The following SLITRK6 variants were observed in gnomAD, a reference collection of about 807,000 sequenced individuals.
SLITRK6 encodes the protein SLIT and NTRK-like protein 6.
A neutral mutation model predicts 55.6 loss-of-function variants in SLITRK6; 35 were observed. The observed-to-expected ratio is 0.63, with a 90% confidence interval of 0.48 to 0.83. The LOEUF (loss-of-function observed/expected upper bound fraction) is 0.83. SLITRK6 is among the 40% of genes least tolerant of loss of function. SLITRK6 has a pLI of 0.00. For synonymous variants in SLITRK6, 392 were observed against 359.6 expected (o/e 1.09, Z -1.02); for missense variants, 977 against 986.4 (o/e 0.99, Z 0.13).
In SLITRK6 at chr13:85,795,488, A is replaced by T; in HGVS notation, c.1021T>A (p.Ser341Thr). The T allele has an allele frequency of 1.2e-6, 2 of 1,613,002 alleles. No homozygotes were observed. The highest frequency in any genetic ancestry group is 1.7e-6 in the Non-Finnish European group (2 of 1,179,392). Reference sequence around the variant, plus strand: ...TCCTGACAATGTATTAGAAGTCCTGATGGGGATAGGACTTTGCAGTTACAA... The same window carrying T: ...TCCTGACAATGTATTAGAAGTCCTGTTGGGGATAGGACTTTGCAGTTACAA... The part of the protein sequence containing the change: ...IPCNCKVLSP[S>T]GLLIHCQERN... Residue 341 changes from serine (S) to threonine (T), a missense_variant, in exon 2 of 2, where the codon TCA becomes ACA. Ser to Thr is a moderately conservative substitution (Grantham distance 58). Transcript: ENST00000647374.
rs1874655445 is a variant in SLITRK6 at position 85,794,830 on chromosome 13, A to G, written c.1679T>C (p.Leu560Pro). The part of the protein sequence containing the change: ...GHLDKKELKA[L>P]NSEILCPGLV... ...ACCTGGACAGAGAATTTCACTATTT[A>G]GGGCTTTCAATTCCTTTTTGTCGAG... Residue 560 changes from leucine to proline, a missense_variant, in exon 2 of 2, where the codon CTA becomes CCA. By Grantham distance (98) the Leu-to-Pro change is moderately conservative (BLOSUM62 -3). Coordinates refer to ENST00000647374, the MANE Select transcript of SLITRK6 (RefSeq NM_032229.3). The G allele has an allele frequency of 6.2e-7, 1 of 1,613,176 alleles. No individual in the cohort carries two copies. The highest frequency in any genetic ancestry group is 1.3e-5 in the African/African-American group (1 of 74,952).
chr13:85,794,710 G>T lies in SLITRK6; in HGVS notation c.1799C>A (p.Ser600Tyr). The T allele has an allele frequency of 6.2e-7, 1 of 1,613,326 alleles. No homozygotes were observed. Among genetic ancestry groups the T allele is most frequent in the Non-Finnish European group, 8.5e-7 (1 of 1,179,562 alleles). ...AGACAGTGGCACAGCGTCCGTAAGA[G>T]ATCGTAAAATAGTATCAGCCGTATT... Reference protein sequence around the residue: ...TTNTADTILRSLTDAVPLSVL... With the variant: ...TTNTADTILRYLTDAVPLSVL... The change falls in exon 2 of 2, where the codon TCT becomes TAT. Residue 600 changes from serine to tyrosine, a missense_variant. Ser to Tyr is a moderately radical substitution (Grantham distance 144). Transcript: ENST00000647374.
chr13:85,798,008 C>T (rs1874772937), intron 1 of SLITRK6, among the ~76,000 whole-genome samples: 1 of 151,834 alleles, frequency 6.6e-6, no homozygotes, highest in African/African-American at 2.4e-5. Flanking sequence ...AATCAACAAT[C>T]CTGAAAGTAA....
chr13:85,795,266 T>C lies in SLITRK6; in HGVS notation c.1243A>G (p.Lys415Glu). Residue 415 changes from lysine (K) to glutamate (E), a missense_variant, in exon 2 of 2, where the codon AAA becomes GAA. Transcript: ENST00000647374. ...AGGTGGTTACCATTTAGATAGAGTT[T>C]TTGTAATCTCGTTAGGTTCATAAAC... ...GSFMNLTRLQKLYLNGNHLTK... is the reference protein window; with the variant it reads ...GSFMNLTRLQELYLNGNHLTK... 2 of 1,612,714 alleles carry C rather than the reference T, an allele frequency of 1.2e-6. No homozygotes were observed. Among genetic ancestry groups the C allele is most frequent in the Non-Finnish European group, 1.7e-6 (2 of 1,179,358 alleles).
rs1157597626 is a variant in SLITRK6 at position 85,795,111 on chromosome 13, T to C, written c.1398A>G (p.Leu466=). The C allele has an allele frequency of 3.1e-6, 5 of 1,612,952 alleles. No homozygotes were observed. The highest frequency in any genetic ancestry group is 1.3e-5 in the African/African-American group (1 of 74,840). ...GTAAAACTTGGAGGAGGTTGTTATT[T>C]AAATACAGGACTTTAAGTTTAGGCA... The part of the protein sequence containing the change: ...NPMPKLKVLY[L]NNNLLQVLPP... The change falls in exon 2 of 2, where the codon TTA becomes TTG. Residue 466 remains leucine (L), a synonymous_variant. Transcript: ENST00000647374.
Position 85,794,642 on chromosome 13 carries a change from A to C in SLITRK6, c.1867T>G (p.Phe623Val). 6.2e-7 allele frequency: 1 copy of C among 1,613,286 alleles called. No homozygotes were observed. Among genetic ancestry groups the C allele is most frequent in the Non-Finnish European group, 8.5e-7 (1 of 1,179,536 alleles). The change falls in exon 2 of 2, where the codon TTC (phenylalanine) becomes GTC (valine). Residue 623 changes from phenylalanine to valine, a missense_variant. By Grantham distance (50) the Phe-to-Val change is conservative (BLOSUM62 -1). Transcript: ENST00000647374. ...GLLIMFITIV[F>V]CAAGIVVLVL... Reference sequence around the variant, plus strand: ...AGAACCACTATCCCTGCAGCACAGAAAACAATAGTGATGAACATAATCAGA... The same window carrying C: ...AGAACCACTATCCCTGCAGCACAGACAACAATAGTGATGAACATAATCAGA...
chr13:85,795,857 TGTC>T lies in SLITRK6; in HGVS notation c.649_651del (p.Asp217del), dbSNP rs1336095919. On this transcript the variant is annotated inframe_deletion, in exon 2 of 2. Transcript: ENST00000647374. ...AAGTCACAATTGCAGGCCCATTTGT[TGTC>T]CTCCAACTGAAGATCCAATATTCGG... The T allele has an allele frequency of 1.9e-6, 3 of 1,613,068 alleles. No individual in the cohort carries two copies. Among genetic ancestry groups the T allele is most frequent in the Non-Finnish European group, 2.5e-6 (3 of 1,179,470 alleles).
chr13:85,797,135 C>CCTGCT (rs1192682479), intron 1 of SLITRK6, among the ~76,000 whole-genome samples: 1 of 138,718 alleles, frequency 7.2e-6, no homozygotes, highest in African/African-American at 2.7e-5. Flanking sequence ...TGTGTTTTAA[C>CCTGCT]CTGCTTCGGT....
At chr13:85,797,066 A>C (rs1874748608) in intron 1 of SLITRK6, among the ~76,000 whole-genome samples, 1 of 151,552 alleles carries the variant, frequency 6.6e-6, no homozygotes, top group Non-Finnish European at 1.5e-5. Flanking sequence ...CGCATGTAGC[A>C]TGCATTGTCT....
chr13:85,796,594 T>C (rs1566399202), intron 1 of SLITRK6, 62 bp from the exon 2 acceptor site: 1 of 1,306,610 alleles, frequency 7.7e-7, no homozygotes. Context: ...GAGATGAAGC[T>C]GATATTTTCA....
intron 1 of SLITRK6, among the ~76,000 whole-genome samples, chr13:85,797,475 A>C (rs925721724): frequency 6.6e-6 from 1 of 151,868 alleles, no homozygotes; most frequent in African/African-American, 2.4e-5. Flanking sequence ...GTTGTAAAAG[A>C]ATAAACAATG....
rs1422682062 is a variant in SLITRK6 at position 85,793,035 on chromosome 13, A to G, written c.*948T>C. The G allele has an allele frequency of 2.0e-5, 3 of 152,278 alleles. No homozygotes were observed. The highest frequency in any genetic ancestry group is 6.6e-5 in the Admixed American group (1 of 15,160). The allele number at this position is 152,278 out of a possible 1,614,324, so 9.4% of individuals were successfully genotyped here. ...CATCTATCAATGTACATCAATAAAA[A>G]TAAAATAATTTTTCCTATTTACTTT... On this transcript the variant is annotated 3_prime_UTR_variant, in exon 2 of 2. Transcript: ENST00000647374.
rs763404048 is a variant in SLITRK6 at position 85,796,191 on chromosome 13, A to C, written c.318T>G (p.Gly106=). 6 of 1,612,984 alleles carry C rather than the reference A, an allele frequency of 3.7e-6. No homozygotes were observed. The highest frequency in any genetic ancestry group is 5.1e-6 in the Non-Finnish European group (6 of 1,179,474). Residue 106 remains glycine, a synonymous_variant, in exon 2 of 2, where the codon GGT becomes GGG. Coordinates refer to ENST00000647374, the MANE Select transcript of SLITRK6 (RefSeq NM_032229.3). ...GFNNIADIEI[G]AFNGLGLLKQ... ...TCAGGAGGCCAAGGCCATTAAATGC[A>C]CCTATCTCAATATCTGCAATATTGT...
chr13:85,796,129 A>G lies in SLITRK6; in HGVS notation c.380T>C (p.Leu127Pro), dbSNP rs750338814. The G allele has an allele frequency of 3.1e-6, 5 of 1,612,262 alleles. No homozygotes were observed. In the East Asian group the frequency reaches 1.1e-4, roughly 36 times the overall value. ...CAGTCCATGGAAAGTATCCTCTTTA[A>G]GAATTTCTAAAGAATTGTGATTGAT... ...LHINHNSLEI[L>P]KEDTFHGLEN... Residue 127 changes from leucine to proline, a missense_variant, in exon 2 of 2, where the codon CTT becomes CCT. Transcript: ENST00000647374.
rs780246142 is a variant in SLITRK6, at chr13:85,795,602, T to G, written c.907A>C (p.Ile303Leu). ...GGTGCTTTGGTGGGTAGTTTTAGAA[T>G]GGACGTGGTCTTAGTTGACATGCGA... ...DSRMSTKTTS[I>L]LKLPTKAPGL... The change falls in exon 2 of 2, where the codon ATT (isoleucine) becomes CTT (leucine). Residue 303 changes from isoleucine to leucine, a missense_variant. Coordinates refer to ENST00000647374, the MANE Select transcript of SLITRK6 (RefSeq NM_032229.3). The G allele has an allele frequency of 1.2e-6, 2 of 1,612,892 alleles. No homozygotes were observed. The highest frequency in any genetic ancestry group is 3.3e-5 in the Admixed American group (2 of 59,810).
rs1196716102 is a variant in SLITRK6, at chr13:85,793,264, G to T, written c.*719C>A. ...ACATACTTTAGTTCACAGCAGCACTGACATTAAAATTGTCTACACAAAATG... is the reference window on the plus strand; with the variant it reads ...ACATACTTTAGTTCACAGCAGCACTTACATTAAAATTGTCTACACAAAATG... On this transcript the variant is annotated 3_prime_UTR_variant, in exon 2 of 2. Coordinates refer to ENST00000647374, the MANE Select transcript of SLITRK6 (RefSeq NM_032229.3). The T allele has an allele frequency of 6.6e-6, 1 of 151,796 alleles. No homozygotes were observed. Among genetic ancestry groups the T allele is most frequent in the African/African-American group, 2.4e-5 (1 of 41,376 alleles). The allele number at this position is 151,796 out of a possible 1,614,324, so 9.4% of individuals were successfully genotyped here. A position where few individuals can be genotyped will look rare whatever the true frequency, so the allele number is the denominator to read the frequency against.
chr13:85,796,560 A>T (rs775266207), intron 1 of SLITRK6, 28 bp from the exon 2 acceptor site: 19 of 1,474,872 alleles, frequency 1.3e-5, no homozygotes, highest in Non-Finnish European at 9.0e-7. Context: ...ATAGCAAGGG[A>T]CTTTAGTGGG....
intron 1 of SLITRK6, among the ~76,000 whole-genome samples, 199 bp from the exon 2 acceptor site, chr13:85,796,731 T>G (rs1874739372): frequency 6.6e-6 from 1 of 151,054 alleles, no homozygotes; most frequent in East Asian, 1.9e-4. Context: ...TCTGGCTGAC[T>G]TTTAACTTGC....
chr13:85,799,250 A>C lies in SLITRK6; in HGVS notation c.-361T>G, dbSNP rs1874811008. ...TAACCATTTGCAAGCTGCTGAATGC[A>C]GTAAGTAAACAAGATGTTTAACAGA... On this transcript the variant is annotated 5_prime_UTR_variant, in exon 1 of 2. Coordinates refer to ENST00000647374, the MANE Select transcript of SLITRK6 (RefSeq NM_032229.3). 1 of 152,044 alleles carries C rather than the reference A, an allele frequency of 6.6e-6. No individual in the cohort carries two copies. The highest frequency in any genetic ancestry group is 1.5e-5 in the Non-Finnish European group (1 of 68,016). 9.4% of individuals were successfully genotyped at this position (152,044 alleles called of 1,614,324 possible).
Sources: gnomAD v4.1 joint callset for allele counts (sites outside exome capture counted in the v4.1 genomes callset) on GRCh38, gnomAD v4.1.1 for gene constraint, MANE v1.5 for transcripts, NCBI Gene and HGNC (gene_info 2026-07-23, HGNC 2026-07-21) for gene names.